CKAP5: variants seen among roughly 807,000 people sequenced by gnomAD.
CKAP5 encodes cytoskeleton associated protein 5, also known as cytoskeleton-associated protein 5.
CKAP5 carries 27 observed loss-of-function variants against 232.8 expected under a neutral mutation model. The observed-to-expected ratio is 0.12, with a 90% confidence interval of 0.09 to 0.16. The LOEUF is 0.16. Among genes scored for constraint, CKAP5 ranks in the 10% least tolerant of loss-of-function variants. The pLI is 1.00. For synonymous variants in CKAP5, 785 were observed against 841.1 expected (o/e 0.93, Z 1.16); for missense variants, 1,838 against 2,424.7 (o/e 0.76, Z 5.08).
At chr11:46,761,189 C>T (rs897242914) in intron 32 of CKAP5, among the ~76,000 whole-genome samples, 41 of 145,360 alleles carry the variant, frequency 2.8e-4, no homozygotes, top group African/African-American at 9.8e-4. Context: ...GTCGAGGCTG[C>T]GGTGAACCAT....
intron 1 of CKAP5, among the ~76,000 whole-genome samples, chr11:46,841,367 T>G (rs1940048184): frequency 6.6e-6 from 1 of 151,826 alleles, no homozygotes; most frequent in South Asian, 2.1e-4. Context: ...GGGAAAAAAA[T>G]CTCACACATC....
In CKAP5 at chr11:46,763,069, T is replaced by C. The variant is rs199945588; in HGVS notation, c.3798A>G (p.Glu1266=). The change falls in exon 30 of 44, where the codon GAA becomes GAG. Residue 1266 remains glutamate (E), a synonymous_variant. Coordinates refer to ENST00000529230, the MANE Select transcript of CKAP5 (RefSeq NM_001008938.4). The part of the protein sequence containing the change: ...TNTSVLMKAL[E]YLKLLFTLLS... ...GCAAGGTGAAGAGCAATTTTAAATA[T>C]TCTAGTGCTTTCATCAGGACGCTTG... 1.2e-6 allele frequency: 2 copies of C among 1,613,434 alleles called. No homozygotes were observed. Among genetic ancestry groups the C allele is most frequent in the Non-Finnish European group, 1.7e-6 (2 of 1,179,396 alleles).
intron 16 of CKAP5, 79 bp downstream of exon 16, chr11:46,788,602 A>G (rs1193369270): frequency 1.3e-5 from 11 of 856,336 alleles, no homozygotes; most frequent in Non-Finnish European, 2.0e-5. Flanking sequence ...TACGAAAACT[A>G]TTCTGCTGTA....
intron 2 of CKAP5, among the ~76,000 whole-genome samples, chr11:46,820,275 GA>G (rs753303826): frequency 1.8e-4 from 28 of 152,102 alleles, no homozygotes; most frequent in Non-Finnish European, 1.6e-4. Flanking sequence ...GGCCTTATTT[GA>G]AGAGCTACAT....
In CKAP5 at chr11:46,765,268, G is replaced by T; in HGVS notation, c.3412-12C>A. The T allele has an allele frequency of 6.3e-7, 1 of 1,599,682 alleles. No individual in the cohort carries two copies. Among genetic ancestry groups the T allele is most frequent in the Non-Finnish European group, 8.5e-7 (1 of 1,173,556 alleles). ...TTCCCTTGTGCACTCTACAACCAAG[G>T]TTCAGGGAATACTGATTAGCTTGGC... On this transcript the variant is annotated splice_polypyrimidine_tract_variant and intron_variant, in intron 27 of 43. Transcript: ENST00000529230.
At chr11:46,812,409 A>G (rs1939295969) in intron 4 of CKAP5, among the ~76,000 whole-genome samples, 1 of 152,146 alleles carries the variant, frequency 6.6e-6, no homozygotes, top group African/African-American at 2.4e-5. Flanking sequence ...CAAGTTCCCA[A>G]CTGGCCAATT....
chr11:46,822,033 C>G (rs1939546210), intron 1 of CKAP5, among the ~76,000 whole-genome samples: 1 of 151,626 alleles, frequency 6.6e-6, no homozygotes, highest in Non-Finnish European at 1.5e-5. Flanking sequence ...AGTAAGACTC[C>G]ATCTCAAAAA....
chr11:46,836,363 A>C (rs1359611221), intron 1 of CKAP5, among the ~76,000 whole-genome samples: 1 of 152,250 alleles, frequency 6.6e-6, no homozygotes, highest in Non-Finnish European at 1.5e-5. Context: ...TCCTCTTAAA[A>C]AACTAACATT....
chr11:46,813,397 C>A (rs539487924), intron 4 of CKAP5, among the ~76,000 whole-genome samples: 18 of 152,110 alleles, frequency 1.2e-4, no homozygotes, highest in Middle Eastern at 3.4e-3. Context: ...TCTATCCTGG[C>A]CTCCTTCTGT....
At chr11:46,802,573 C>T (rs78449663) in intron 8 of CKAP5, among the ~76,000 whole-genome samples, 6 of 152,006 alleles carry the variant, frequency 3.9e-5, no homozygotes, top group African/African-American at 1.2e-4. Context: ...CACACACACA[C>T]ACACACACAC....
intron 43 of CKAP5, 61 bp downstream of exon 43, chr11:46,744,365 C>G (rs750981759): frequency 1.2e-6 from 2 of 1,612,760 alleles, no homozygotes; most frequent in East Asian, 2.2e-5. Flanking sequence ...TGTGGGCCAG[C>G]CTGCCTCGGA....
chr11:46,833,702 C>T (rs1475064709), intron 1 of CKAP5, among the ~76,000 whole-genome samples: 1 of 151,646 alleles, frequency 6.6e-6, no homozygotes, highest in Non-Finnish European at 1.5e-5. Context: ...TGGGCTTAAT[C>T]TCCTGACCTT....
chr11:46,772,765 G>T (rs1439226982), intron 24 of CKAP5, among the ~76,000 whole-genome samples: 6 of 150,376 alleles, frequency 4.0e-5, no homozygotes, highest in Non-Finnish European at 8.9e-5. Flanking sequence ...TTTTTGAGAC[G>T]GAGTCTTGCT....
chr11:46,757,908 G>C (rs1299607427), intron 35 of CKAP5, among the ~76,000 whole-genome samples: 1 of 124,274 alleles, frequency 8.0e-6, no homozygotes, highest in East Asian at 2.8e-4. Flanking sequence ...TTTTTTTTGA[G>C]ACATGGTCTC....
intron 28 of CKAP5, among the ~76,000 whole-genome samples, chr11:46,764,742 A>G (rs1031331166): frequency 2.0e-5 from 3 of 152,192 alleles, no homozygotes; most frequent in Non-Finnish European, 2.9e-5. Flanking sequence ...TGTATTTTGA[A>G]AACAAATTTA....
Position 46,743,964 on chromosome 11 carries a change from T to C in CKAP5, c.*59A>G, listed in dbSNP as rs1034872808. On this transcript the variant is annotated 3_prime_UTR_variant, in exon 44 of 44. Transcript: ENST00000529230. Reference sequence around the variant, plus strand: ...TAGGCCTGCTGAGGCCATTTTAAACTATGAGGACTTCTAGTTTAGTAAACT... The same window carrying C: ...TAGGCCTGCTGAGGCCATTTTAAACCATGAGGACTTCTAGTTTAGTAAACT... The C allele has an allele frequency of 7.5e-6, 12 of 1,608,420 alleles. No homozygotes were observed. The African/African-American group carries it at 1.1e-4, about 14-fold the overall frequency.
chr11:46,838,793 C>A (rs1415550837), intron 1 of CKAP5, among the ~76,000 whole-genome samples: 77 of 45,922 alleles, frequency 1.7e-3, no homozygotes, highest in African/African-American at 5.3e-3. Flanking sequence ...GACCCCATCT[C>A]AAAAAAAAAA....
chr11:46,808,760 T>C (rs1214653841), intron 7 of CKAP5, among the ~76,000 whole-genome samples: 2 of 152,216 alleles, frequency 1.3e-5, no homozygotes, highest in Admixed American at 1.3e-4. Flanking sequence ...AAAGCATTTC[T>C]AGCCCACCCA....
At chr11:46,761,573 T>C (rs2065155306) in intron 32 of CKAP5, among the ~76,000 whole-genome samples, 1 of 152,214 alleles carries the variant, frequency 6.6e-6, no homozygotes, top group South Asian at 2.1e-4. Flanking sequence ...AGGCAGAACC[T>C]AATGTGAGTG....
Sources: allele counts gnomAD v4.1 joint callset (sites outside exome capture counted in the v4.1 genomes callset), GRCh38; gene constraint gnomAD v4.1.1; transcripts MANE v1.5; gene names NCBI Gene and HGNC (gene_info 2026-07-23, HGNC 2026-07-21).